PCNP: variants seen among roughly 807,000 people sequenced by gnomAD.
The protein encoded by PCNP is PEST proteolytic signal containing nuclear protein.
A neutral mutation model predicts 21.8 loss-of-function variants in PCNP; 6 were observed. The ratio of observed to expected loss-of-function variants is 0.28; its 90% CI spans 0.15 to 0.54. PCNP has a LOEUF of 0.54. Among genes scored for constraint, PCNP ranks in the 20% least tolerant of loss-of-function variants. PCNP has a pLI of 0.95. For synonymous variants in PCNP, 67 were observed against 73.2 expected, an observed-to-expected ratio of 0.92 and a Z score of 0.43; for missense variants, 161 against 215.5, an observed-to-expected ratio of 0.75 and a Z score of 1.58.
At chr3:101,591,357 T>A (rs1241800324) in intron 4 of PCNP, among the ~76,000 whole-genome samples, 1 of 151,014 alleles carries the variant, frequency 6.6e-6, no homozygotes, top group East Asian at 1.9e-4. Flanking sequence ...CACAAAGAAC[T>A]GAGTGGTAAA....
chr3:101,576,594 C>T (rs1576603441), intron 1 of PCNP: 1 of 1,611,116 alleles, frequency 6.2e-7, no homozygotes, highest in Non-Finnish European at 8.5e-7. Flanking sequence ...CTCTATGGGC[C>T]CGAATCTTCT....
At chr3:101,589,241 A>T (rs1035334867) in intron 3 of PCNP, among the ~76,000 whole-genome samples, 4 of 152,152 alleles carry the variant, frequency 2.6e-5, no homozygotes, top group Non-Finnish European at 5.9e-5. Context: ...TAATGCTCAA[A>T]TTGTCACAGA....
chr3:101,586,603 G>A (rs1935539227), intron 3 of PCNP, among the ~76,000 whole-genome samples: 2 of 136,570 alleles, frequency 1.5e-5, no homozygotes, highest in African/African-American at 2.9e-5. Flanking sequence ...TCTTGTTTCA[G>A]AGAGAGAGAG....
intron 2 of PCNP, among the ~76,000 whole-genome samples, chr3:101,585,004 CAAAAAG>C (rs1275835469): frequency 7.2e-5 from 11 of 151,980 alleles, no homozygotes; most frequent in Admixed American, 6.6e-5. Flanking sequence ...ACTCTGTTCT[CAAAAAG>C]AAAAACAAAA....
chr3:101,577,008 GT>G (rs1404700311), intron 1 of PCNP: 1 of 819,564 alleles, frequency 1.2e-6, no homozygotes, highest in Non-Finnish European at 2.2e-6. Flanking sequence ...TGTATTTTTA[GT>G]AGAGACGAGA....
At chr3:101,589,423 T>TC (rs1935692948) in intron 3 of PCNP, among the ~76,000 whole-genome samples, 1 of 151,672 alleles carries the variant, frequency 6.6e-6, no homozygotes, top group African/African-American at 2.4e-5. Context: ...TTTTTTTTTT[T>TC]CTTTGAGACA....
intron 4 of PCNP, 33 bp downstream of exon 4, chr3:101,590,303 A>G (rs1333378069): frequency 9.0e-7 from 1 of 1,114,784 alleles, no homozygotes; most frequent in Admixed American, 1.9e-5. Flanking sequence ...TTATAGAAAG[A>G]TACAAAGGTG....
chr3:101,584,774 G>A (rs1422051077), intron 2 of PCNP, among the ~76,000 whole-genome samples: 1 of 152,030 alleles, frequency 6.6e-6, no homozygotes, highest in Non-Finnish European at 1.5e-5. Context: ...AGGCTGAGGC[G>A]GGTAGATCAC....
intron 1 of PCNP, chr3:101,576,847 T>C (rs1934936188): frequency 1.2e-6 from 2 of 1,608,766 alleles, no homozygotes; most frequent in Non-Finnish European, 1.7e-6. Context: ...GCCCACACCC[T>C]TAATGGCAGT....
chr3:101,580,699 A>G (rs1268835799), intron 2 of PCNP, among the ~76,000 whole-genome samples: 1 of 152,190 alleles, frequency 6.6e-6, no homozygotes, highest in African/African-American at 2.4e-5. Context: ...TTAAGATGTC[A>G]GCCTTAGATT....
chr3:101,574,145 A>G (rs1364893496), upstream of PCNP: 2 of 1,521,572 alleles, frequency 1.3e-6, no homozygotes, highest in Non-Finnish European at 1.8e-6. Context: ...GCTGGCCCCA[A>G]AAACTCGATG....
chr3:101,577,612 C>T (rs528429464), intron 1 of PCNP, among the ~76,000 whole-genome samples: 2 of 152,322 alleles, frequency 1.3e-5, no homozygotes, highest in Admixed American at 6.5e-5. Flanking sequence ...GCAACCTCTG[C>T]GTCCTGGGTT....
chr3:101,590,222 C>T lies in PCNP; in HGVS notation c.362C>T (p.Pro121Leu). ...AAFNEDEDSE[P>L]EEMPPEAKMR... ...ACTTACTTTTTTCTTTAGAGTGAAC[C>T]AGAGGAAATGCCTCCAGAAGCAAAG... Residue 121 changes from proline (P) to leucine (L), a missense_variant, in exon 4 of 5, where the codon CCA becomes CTA. Pro to Leu is a moderately conservative substitution (Grantham distance 98). Around this residue, in one of 4 missense-constraint regions of PCNP, gnomAD observed 66 missense variants for 127.8 expected, o/e 0.52. Transcript: ENST00000265260. The T allele has an allele frequency of 6.4e-7, 1 of 1,561,466 alleles. No homozygotes were observed. The highest frequency in any genetic ancestry group is 8.8e-7 in the Non-Finnish European group (1 of 1,133,398).
chr3:101,576,244 CT>C (rs35289041), intron 1 of PCNP, among the ~76,000 whole-genome samples: 30,096 of 135,968 alleles, frequency 0.22, 3,802 homozygotes, highest in East Asian at 0.28. Context: ...GAATGGTTTC[CT>C]TTTTTTTTTT....
At chr3:101,577,630 T>C (rs979592043) in intron 1 of PCNP, among the ~76,000 whole-genome samples, 56 of 152,238 alleles carry the variant, frequency 3.7e-4, no homozygotes, top group African/African-American at 1.4e-3. Context: ...GTTCAAGCGA[T>C]TCTCCTGCCT....
At position 101,593,882 on chromosome 3, in the gene PCNP, C is replaced by A. The variant is rs567584889; in HGVS notation, c.*1129C>A. Reference sequence around the variant, plus strand: ...TCTTCAAACATTTTTTGGAATCTCACCACATATACTTTGTTAGATTTGTGT... The same window carrying A: ...TCTTCAAACATTTTTTGGAATCTCAACACATATACTTTGTTAGATTTGTGT... On this transcript the variant is annotated 3_prime_UTR_variant, in exon 5 of 5. Transcript: ENST00000265260. 1.3e-5 allele frequency: 2 copies of A among 152,728 alleles called. No individual in the cohort carries two copies. The highest frequency in any genetic ancestry group is 2.1e-4 in the South Asian group (1 of 4,828). The allele number at this position is 152,728 out of a possible 1,614,324, so 9.5% of individuals were successfully genotyped here.
intron 1 of PCNP, chr3:101,574,872 T>C (rs1934779077): frequency 1.3e-5 from 2 of 152,564 alleles, no homozygotes; most frequent in Admixed American, 6.5e-5. Flanking sequence ...GCCGAGGTGA[T>C]GGAGGGGAAG....
At chr3:101,588,778 C>T (rs899613780) in intron 3 of PCNP, among the ~76,000 whole-genome samples, 2 of 152,278 alleles carry the variant, frequency 1.3e-5, no homozygotes, top group Middle Eastern at 3.4e-3. Context: ...ATTAGTTTCA[C>T]GTTTCTTACT....
At chr3:101,587,107 G>A (rs573876787) in intron 3 of PCNP, among the ~76,000 whole-genome samples, 2 of 152,098 alleles carry the variant, frequency 1.3e-5, no homozygotes, top group East Asian at 1.9e-4. Context: ...AATATTAGCC[G>A]GGCGTAGTGG....
Sources: gnomAD v4.1 joint callset for allele counts (sites outside exome capture counted in the v4.1 genomes callset) on GRCh38, gnomAD v4.1.1 for gene constraint, gnomAD v4.1.1 regional missense constraint, MANE v1.5 for transcripts, NCBI Gene and HGNC (gene_info 2026-07-23, HGNC 2026-07-21) for gene names.